AMACR: variants seen among roughly 807,000 people sequenced by gnomAD.
AMACR encodes the protein 2-methylacyl-CoA racemase.
In AMACR, 18 loss-of-function variants were observed where a neutral mutation model predicts 22.2. The observed-to-expected ratio is 0.81, with a 90% CI of 0.56 to 1.20. The LOEUF (loss-of-function observed/expected upper bound fraction) is 1.20. Ranked by LOEUF, AMACR falls within the 50% of genes most tolerant of loss-of-function variation. AMACR has a pLI of 0.00. For missense variants in AMACR, 499 were observed against 490.6 expected (o/e 1.02, Z -0.16); for synonymous variants, 213 against 191.3 (o/e 1.11, Z -0.94).
At chr5:34,001,289 G>A (rs1245620109) in intron 3 of AMACR, among the ~76,000 whole-genome samples, 2 of 152,216 alleles carry the variant, frequency 1.3e-5, no homozygotes, top group African/African-American at 4.8e-5. Flanking sequence ...ACCAGACTAG[G>A]TTCAGAGCGA....
At chr5:34,003,408 G>T (rs1267776656) in intron 3 of AMACR, among the ~76,000 whole-genome samples, 1 of 152,166 alleles carries the variant, frequency 6.6e-6, no homozygotes, top group Non-Finnish European at 1.5e-5. Flanking sequence ...TTCCCACACT[G>T]AACAATGGAT....
chr5:34,004,742 A>G lies in AMACR; in HGVS notation c.392-8T>C. 6.2e-7 allele frequency: 1 copy of G among 1,614,082 alleles called. No individual in the cohort carries two copies. Among genetic ancestry groups the G allele is most frequent in the Non-Finnish European group, 8.5e-7 (1 of 1,179,938 alleles). ...CAATTTTTGAGAGAACACCTACATC[A>G]TTAAAAACAAATTTAATGTCTCTTT... is the stretch of plus-strand genomic sequence containing the variant. On this transcript the variant is annotated splice_region_variant and splice_polypyrimidine_tract_variant and intron_variant, in intron 2 of 4. Coordinates refer to ENST00000335606, the MANE Select transcript of AMACR (RefSeq NM_014324.6).
At chr5:33,992,339 CTT>C (rs955102550) in intron 4 of AMACR, among the ~76,000 whole-genome samples, 103 of 150,998 alleles carry the variant, frequency 6.8e-4, no homozygotes, top group Admixed American at 5.9e-4. Context: ...GAAAGAATGT[CTT>C]TGCTATATTG....
chr5:34,004,737 A>G lies in AMACR; in HGVS notation c.392-3T>C. On this transcript the variant is annotated splice_region_variant and splice_polypyrimidine_tract_variant and intron_variant, in intron 2 of 4. Coordinates refer to ENST00000335606, the MANE Select transcript of AMACR (RefSeq NM_014324.6). ...TCTGCCAATTTTTGAGAGAACACCT[A>G]CATCATTAAAAACAAATTTAATGTC... 1 of 1,614,172 alleles carries G rather than the reference A, an allele frequency of 6.2e-7. No homozygotes were observed. Among genetic ancestry groups the G allele is most frequent in the Non-Finnish European group, 8.5e-7 (1 of 1,179,984 alleles).
rs1245446041 is a variant in AMACR at position 33,986,222 on chromosome 5, C to T, written c.*2871G>A. 2 of 152,282 alleles carry T rather than the reference C, an allele frequency of 1.3e-5. No homozygotes were observed. The highest frequency in any genetic ancestry group is 3.9e-4 in the East Asian group (2 of 5,192). The allele number at this position is 152,282 out of a possible 1,614,324, so 9.4% of individuals were successfully genotyped here. A position where few individuals can be genotyped will look rare whatever the true frequency, so the allele number is the denominator to read the frequency against. On this transcript the variant is annotated 3_prime_UTR_variant, in exon 5 of 5. Coordinates refer to ENST00000335606, the MANE Select transcript of AMACR (RefSeq NM_014324.6). ...TCTATTTTTTACTACAAGTTTTCCACACACACAGCTCAGGAGTGAAATAAC... is the reference window on the plus strand; with the variant it reads ...TCTATTTTTTACTACAAGTTTTCCATACACACAGCTCAGGAGTGAAATAAC...
intron 2 of AMACR, 141 bp from the exon 3 acceptor site, chr5:34,004,875 T>G: frequency 1.0e-6 from 1 of 997,674 alleles, no homozygotes; most frequent in South Asian, 1.6e-5. Context: ...TTTCCAAATC[T>G]GAGCTTAGTC....
intron 4 of AMACR, among the ~76,000 whole-genome samples, chr5:33,994,780 C>G (rs1753587992): frequency 1.3e-5 from 2 of 152,088 alleles, no homozygotes; most frequent in South Asian, 4.1e-4. Context: ...AGGGGAGTTA[C>G]AAAGTTTAAA....
At chr5:34,005,389 G>A (rs1488392721) in intron 2 of AMACR, among the ~76,000 whole-genome samples, 2 of 151,928 alleles carry the variant, frequency 1.3e-5, no homozygotes, top group African/African-American at 2.4e-5. Flanking sequence ...TTCGGGGTCC[G>A]GGGGAGAAGT....
At chr5:34,001,411 T>C (rs1353528346) in intron 3 of AMACR, among the ~76,000 whole-genome samples, 1 of 152,216 alleles carries the variant, frequency 6.6e-6, no homozygotes, top group African/African-American at 2.4e-5. Flanking sequence ...TTGCCTTGTT[T>C]GAACATGGTT....
intron 3 of AMACR, among the ~76,000 whole-genome samples, chr5:34,003,086 T>G (rs552249097): frequency 1.3e-5 from 2 of 152,306 alleles, no homozygotes; most frequent in African/African-American, 4.8e-5. Context: ...CTCTGACCAC[T>G]CCTTTCTTTG....
chr5:33,988,316 G>T lies in AMACR; in HGVS notation c.*777C>A. The stretch of plus-strand genomic sequence containing the variant: ...GGGGGGTCCTGAGATCTTTATTTCT[G>T]GATGTTGCTGTGTGTTGGGTATAAG... On this transcript the variant is annotated 3_prime_UTR_variant, in exon 5 of 5. Coordinates refer to ENST00000335606, the MANE Select transcript of AMACR (RefSeq NM_014324.6). 6.5e-7 allele frequency: 1 copy of T among 1,540,726 alleles called. No homozygotes were observed. The highest frequency in any genetic ancestry group is 8.7e-7 in the Non-Finnish European group (1 of 1,148,572).
intron 3 of AMACR, among the ~76,000 whole-genome samples, chr5:34,002,392 G>A (rs1297594340): frequency 6.6e-6 from 1 of 152,222 alleles, no homozygotes; most frequent in Non-Finnish European, 1.5e-5. Flanking sequence ...ATAATCAATT[G>A]CATCTCTTCA....
In AMACR at chr5:34,007,784, G is replaced by T; in HGVS notation, c.236C>A (p.Pro79His). The change falls in exon 1 of 5, where the codon CCC becomes CAC. Residue 79 changes from proline to histidine, a missense_variant. Transcript: ENST00000335606. ...LCKRSDVLLE[P>H]FRRGVMEKLQ... ...GGGCCCGGGCTCACCGCGGCGGAAG[G>T]GCTCCAGCAGCACATCCGACCGCTT... 6.4e-7 allele frequency: 1 copy of T among 1,562,172 alleles called. No homozygotes were observed. The highest frequency in any genetic ancestry group is 1.2e-5 in the South Asian group (1 of 86,664).
rs2112026966 is a variant in AMACR, at chr5:33,986,949, T to A, written c.*2144A>T. On this transcript the variant is annotated 3_prime_UTR_variant, in exon 5 of 5. Coordinates refer to ENST00000335606, the MANE Select transcript of AMACR (RefSeq NM_014324.6). ...TTTAAAGACTTCGAGTGGGTTATAT[T>A]TTCCTTGCTGGACCGAGTTCAAATG... 1 of 152,348 alleles carries A rather than the reference T, an allele frequency of 6.6e-6. No homozygotes were observed. Among genetic ancestry groups the A allele is most frequent in the Admixed American group, 6.5e-5 (1 of 15,304 alleles). The allele number at this position is 152,348 out of a possible 1,614,324, so 9.4% of individuals were successfully genotyped here.
At chr5:33,995,094 T>G (rs1753597294) in intron 4 of AMACR, among the ~76,000 whole-genome samples, 1 of 152,210 alleles carries the variant, frequency 6.6e-6, no homozygotes, top group Admixed American at 6.5e-5. Flanking sequence ...GCATGATGCA[T>G]GATGAAACCT....
intron 3 of AMACR, among the ~76,000 whole-genome samples, chr5:34,002,973 G>C (rs1313716949): frequency 6.6e-6 from 1 of 152,188 alleles, no homozygotes; most frequent in East Asian, 1.9e-4. Flanking sequence ...TTGGAGATGA[G>C]GGGGTTTCTG....
At position 33,988,069 on chromosome 5, in the gene AMACR, A is replaced by G; in HGVS notation, c.*1024T>C. The G allele has an allele frequency of 2.6e-6, 1 of 389,958 alleles. No homozygotes were observed. Among genetic ancestry groups the G allele is most frequent in the South Asian group, 6.8e-5 (1 of 14,708 alleles). The allele number at this position is 389,958 out of a possible 1,614,324, so 24.2% of individuals were successfully genotyped here. A position where few individuals can be genotyped will look rare whatever the true frequency, so the allele number is the denominator to read the frequency against. ...ATACTGCGCAGAATGGACCTTATTG[A>G]TGGCCTACCCAACATCCATTCTCTA... On this transcript the variant is annotated 3_prime_UTR_variant, in exon 5 of 5. Transcript: ENST00000335606.
chr5:34,005,318 G>A (rs1579584942), intron 2 of AMACR, among the ~76,000 whole-genome samples: 1 of 150,554 alleles, frequency 6.6e-6, no homozygotes, highest in South Asian at 2.1e-4. Flanking sequence ...GCTTTTTTTA[G>A]TGCTCATAGA....
At chr5:33,998,608 G>A (rs1394769332) in intron 4 of AMACR, 33 bp downstream of exon 4, 2 of 1,561,772 alleles carry the variant, frequency 1.3e-6, no homozygotes, top group African/African-American at 1.4e-5. Flanking sequence ...ACAGCAAAAG[G>A]GGAACTGGGG....
Sources: allele counts gnomAD v4.1 joint callset (sites outside exome capture counted in the v4.1 genomes callset), GRCh38; gene constraint gnomAD v4.1.1; transcripts MANE v1.5; gene names NCBI Gene and HGNC (gene_info 2026-07-23, HGNC 2026-07-21).